HDAC4: variants seen among roughly 807,000 people sequenced by gnomAD.
HDAC4 encodes histone deacetylase A.
A neutral mutation model predicts 135.1 loss-of-function variants in HDAC4; 16 were observed. The ratio of observed to expected loss-of-function variants is 0.12; its 90% CI spans 0.08 to 0.18. The LOEUF (loss-of-function observed/expected upper bound fraction) is 0.18. Among genes scored for constraint, HDAC4 ranks in the 10% least tolerant of loss-of-function variants. The pLI is 1.00. For missense variants in HDAC4, 1,143 were observed against 1,511.8 expected (o/e 0.76, Z 4.05); for synonymous variants, 685 against 653.4 (o/e 1.05, Z -0.74).
intron 3 of HDAC4, 112 bp downstream of exon 3, chr2:239,236,481 C>T: frequency 2.4e-6 from 2 of 836,224 alleles, no homozygotes; most frequent in Non-Finnish European, 4.0e-6. Context: ...AACCTGATAC[C>T]CCACACCTCC....
intron 8 of HDAC4, among the ~76,000 whole-genome samples, chr2:239,143,667 A>G (rs1285006506): frequency 6.6e-6 from 1 of 152,236 alleles, no homozygotes; most frequent in African/African-American, 2.4e-5. Context: ...TTTAGCGGGT[A>G]GGTCTGGCTC....
intron 15 of HDAC4, among the ~76,000 whole-genome samples, chr2:239,104,883 C>T (rs1159262471): frequency 2.6e-5 from 4 of 152,396 alleles, no homozygotes; most frequent in African/African-American, 9.6e-5. Flanking sequence ...AAAACCCTCT[C>T]CTTACAAACA....
At chr2:239,377,111 G>A (rs1253339656) in intron 1 of HDAC4, among the ~76,000 whole-genome samples, 1 of 152,174 alleles carries the variant, frequency 6.6e-6, no homozygotes, top group Non-Finnish European at 1.5e-5. Context: ...GTGCCCAGAT[G>A]CTGTCCTCCC....
intron 2 of HDAC4, among the ~76,000 whole-genome samples, chr2:239,254,019 AG>A: frequency 6.6e-6 from 1 of 152,328 alleles, no homozygotes; most frequent in Non-Finnish European, 1.5e-5. Context: ...GAGGGTTGCT[AG>A]GAAGAGGCTT....
chr2:239,343,869 AG>A (rs1692455269), intron 2 of HDAC4, among the ~76,000 whole-genome samples: 2 of 142,076 alleles, frequency 1.4e-5, no homozygotes, highest in Admixed American at 1.3e-4. Context: ...AGCACTCGAT[AG>A]CAGTAACACT....
At chr2:239,344,054 T>C (rs1692466672) in intron 2 of HDAC4, among the ~76,000 whole-genome samples, 1 of 152,162 alleles carries the variant, frequency 6.6e-6, no homozygotes, top group African/African-American at 2.4e-5. Flanking sequence ...TGATGTATTA[T>C]TATGATGAGT....
Position 239,383,105 on chromosome 2 carries a change from T to C in HDAC4, c.-220+17873A>G, listed in dbSNP as rs144367481. Among the ~76,000 whole-genome samples the C allele has an allele frequency of 1.5e-3, 224 of 152,304 alleles. 1 individual carries two copies. Among genetic ancestry groups the C allele is most frequent in the African/African-American group, 5.2e-3 (217 of 41,562 alleles). On this transcript the variant is annotated intron_variant, in intron 1 of 26. Transcript: ENST00000543185. ...CAGGCATGGTTGGCTTAATACCCAG[T>C]GTTCTCCAACACGGTCTCACAGTCC...
intron 19 of HDAC4, among the ~76,000 whole-genome samples, chr2:239,086,639 G>A (rs1420822739): frequency 6.6e-6 from 1 of 152,228 alleles, no homozygotes; most frequent in Non-Finnish European, 1.5e-5. Context: ...TGACTTCCCA[G>A]GGGTGACAGG....
chr2:239,195,123 G>A (rs558263142), intron 3 of HDAC4, among the ~76,000 whole-genome samples: 13 of 152,180 alleles, frequency 8.5e-5, no homozygotes, highest in Non-Finnish European at 1.8e-4. Flanking sequence ...TCACCAATGC[G>A]CAGAATGCTG....
chr2:239,151,411 C>T (rs1363280138), intron 7 of HDAC4, among the ~76,000 whole-genome samples: 3 of 152,204 alleles, frequency 2.0e-5, no homozygotes, highest in Non-Finnish European at 4.4e-5. Context: ...GACAGCTTCC[C>T]CCCAAAATGG....
At chr2:239,097,484 C>T (rs1396840821) in intron 16 of HDAC4, among the ~76,000 whole-genome samples, 3 of 152,246 alleles carry the variant, frequency 2.0e-5, no homozygotes, top group Non-Finnish European at 2.9e-5. Context: ...CATGGGACAA[C>T]ATCAGCTAAC....
intron 20 of HDAC4, among the ~76,000 whole-genome samples, chr2:239,082,444 G>A (rs1031691113): frequency 3.3e-5 from 5 of 152,338 alleles, no homozygotes; most frequent in Non-Finnish European, 7.4e-5. Context: ...CAATGTTCGC[G>A]TCTGCAGCAC....
intron 7 of HDAC4, among the ~76,000 whole-genome samples, chr2:239,153,281 C>T (rs548203535): frequency 2.6e-5 from 4 of 152,298 alleles, no homozygotes; most frequent in African/African-American, 9.6e-5. Flanking sequence ...ATACAATTGC[C>T]CTTTAGAGAT....
In HDAC4 at chr2:239,139,738, C is replaced by G; in HGVS notation, c.924G>C (p.Gly308=). The change falls in exon 9 of 27, where the codon GGG becomes GGC. Residue 308 remains glycine (G), a synonymous_variant. Coordinates refer to ENST00000543185, the MANE Select transcript of HDAC4 (RefSeq NM_001378414.1). This position sits in a 1 kb window ranked among gnomAD's most constrained non-coding sequence, Gnocchi z 5.3. ...SGPSSPNNSS[G]SVSAENGIAP... ...CGATACCGTTCTCCGCGCTGACGCT[C>G]CCGGAGCTGTTGTTGGGTGAGCTGG... The G allele has an allele frequency of 6.2e-7, 1 of 1,614,144 alleles. No homozygotes were observed.
Position 239,111,375 on chromosome 2 carries a change from CA to C in HDAC4, c.1978+150del, listed in dbSNP as rs1049227542. The C allele has an allele frequency of 2.3e-4, 173 of 740,180 alleles. 1 individual carries two copies. The African/African-American group carries it at 2.7e-3, about 12-fold the overall frequency. The allele number at this position is 740,180 out of a possible 1,614,324, so 45.9% of individuals were successfully genotyped here. ...TAGGGCGGGGAGAGGGCCTCTGTGA[CA>C]GACCTGTGTGGTCCCCACCATCCAG... On this transcript the variant is annotated intron_variant, in intron 14 of 26. Transcript: ENST00000543185.
chr2:239,095,715 G>C (rs2036959884), intron 16 of HDAC4, among the ~76,000 whole-genome samples: 1 of 152,192 alleles, frequency 6.6e-6, no homozygotes, highest in Non-Finnish European at 1.5e-5. Context: ...GCCTGCTCCG[G>C]CAGTGAAAGT....
chr2:239,198,033 C>T (rs1160486718), intron 3 of HDAC4, among the ~76,000 whole-genome samples: 2 of 152,082 alleles, frequency 1.3e-5, no homozygotes, highest in Non-Finnish European at 2.9e-5. Context: ...CTCTCCCTTC[C>T]TCCCTTCCTT....
intron 17 of HDAC4, chr2:239,094,706 C>G: frequency 1.6e-6 from 2 of 1,247,182 alleles, no homozygotes; most frequent in South Asian, 3.1e-5. Flanking sequence ...AGATTACTGC[C>G]ACAGACTTCG....
chr2:239,212,588 C>T (rs371654428), intron 3 of HDAC4, among the ~76,000 whole-genome samples: 5 of 152,170 alleles, frequency 3.3e-5, no homozygotes, highest in Admixed American at 3.3e-4. Flanking sequence ...CTTCTGCCCC[C>T]CATACAGGGA....
Sources: gnomAD v4.1 joint callset for allele counts (sites outside exome capture counted in the v4.1 genomes callset) on GRCh38, gnomAD v4.1.1 for gene constraint, Gnocchi (gnomAD v3.1) non-coding constraint, MANE v1.5 for transcripts, NCBI Gene and HGNC (gene_info 2026-07-23, HGNC 2026-07-21) for gene names.